Variants in PTCH1 observed in about 807,000 individuals in gnomAD.
PTCH1 encodes the protein patched 1.
In PTCH1, 14 loss-of-function variants were observed where a neutral mutation model predicts 144.6. The observed-to-expected ratio is 0.10, with a 90% CI of 0.06 to 0.15. The LOEUF (loss-of-function observed/expected upper bound fraction) is 0.15. Ranked by LOEUF, PTCH1 falls within the 10% of genes least tolerant of loss-of-function variation. The probability of loss-of-function intolerance (pLI) is 1.00; values close to 1 mark genes in which losing one functional copy is unlikely to be tolerated. For missense variants in PTCH1, 1,623 were observed against 1,948.3 expected, an observed-to-expected ratio of 0.83 and a Z score of 3.14; for synonymous variants, 833 against 793.6, an observed-to-expected ratio of 1.05 and a Z score of -0.83.
Position 95,485,187 on chromosome 9 carries a change from C to T in PTCH1, c.584+498G>A, listed in dbSNP as rs1056105843. On this transcript the variant is annotated intron_variant, in intron 3 of 23. Transcript: ENST00000331920. ...CATCACTGCACTCCAGCCTGGGCAA[C>T]AGAGTGAGGCTCTGTCTCAAAAAAA... Among the ~76,000 whole-genome samples, 4 of 152,198 alleles carry T rather than the reference C, an allele frequency of 2.6e-5. No individual in the cohort carries two copies. In the East Asian group the frequency reaches 7.7e-4, roughly 29 times the overall value.
At chr9:95,452,986 C>G (rs1373020972) in intron 20 of PTCH1, 1 of 238,690 alleles carries the variant, frequency 4.2e-6, no homozygotes, top group Non-Finnish European at 8.3e-6. Flanking sequence ...AAGATACTCC[C>G]CAAGACAGCT....
intron 2 of PTCH1, among the ~76,000 whole-genome samples, chr9:95,504,022 C>CAAAAAAAAAAAAAAAAAAAAAAAA (rs58747037): frequency 1.5e-4 from 1 of 6,720 alleles, no homozygotes; most frequent in Non-Finnish European, 2.3e-4. Flanking sequence ...GACTCCGTCT[C>CAAAAAAAAAAAAAAAAAAAAAAAA]AAAAAAAAAA....
rs1837820435 is a variant in PTCH1 at position 95,445,617 on chromosome 9, A to G, written c.*776T>C. On this transcript the variant is annotated 3_prime_UTR_variant, in exon 24 of 24. Transcript: ENST00000331920. Reference sequence around the variant, plus strand: ...GGGCTGATTTGAAAGGATTAGGTGGATGTTTAGGGCCAGCCCTCACCAGCA... The same window carrying G: ...GGGCTGATTTGAAAGGATTAGGTGGGTGTTTAGGGCCAGCCCTCACCAGCA... 1.3e-5 allele frequency: 2 copies of G among 152,280 alleles called. No individual in the cohort carries two copies. Among genetic ancestry groups the G allele is most frequent in the African/African-American group, 4.8e-5 (2 of 41,434 alleles). 9.4% of individuals were successfully genotyped at this position (152,280 alleles called of 1,614,324 possible). A position where few individuals can be genotyped will look rare whatever the true frequency, so the allele number is the denominator to read the frequency against.
intron 2 of PTCH1, among the ~76,000 whole-genome samples, chr9:95,501,842 AGG>A (rs1291854186): frequency 6.6e-6 from 1 of 152,242 alleles, no homozygotes; most frequent in Non-Finnish European, 1.5e-5. Flanking sequence ...CTTAACAAAA[AGG>A]AAATACCAAC....
At chr9:95,516,697 C>G in exon 1 of PTCH1, 1 of 1,613,252 alleles carries the variant, frequency 6.2e-7, no homozygotes, top group Non-Finnish European at 8.5e-7. Flanking sequence ...TCTTCTCCTC[C>G]TCCTCCGTCT....
rs2136650773 is a variant in PTCH1, at chr9:95,456,427, C to T, written c.3169-14G>A. 6.2e-7 allele frequency: 1 copy of T among 1,613,404 alleles called. No individual in the cohort carries two copies. ...CAGGACCATCACCTGGAGCAGGGCA[C>T]ACAGTGGTCAGTGGGCGGGCAGGTC... On this transcript the variant is annotated splice_polypyrimidine_tract_variant and intron_variant, in intron 18 of 23. Coordinates refer to ENST00000331920, the MANE Select transcript of PTCH1 (RefSeq NM_000264.5).
chr9:95,456,707 A>G (rs1213355251), intron 18 of PTCH1, among the ~76,000 whole-genome samples: 1 of 152,204 alleles, frequency 6.6e-6, no homozygotes, highest in East Asian at 1.9e-4. Context: ...CAACTCCACC[A>G]GCGCAATCCA....
Position 95,467,342 on chromosome 9 carries a change from C to G in PTCH1, c.2334G>C (p.Thr778=), listed in dbSNP as rs1369922802. Residue 778 remains threonine, a synonymous_variant, in exon 15 of 24, where the codon ACG becomes ACC. Coordinates refer to ENST00000331920, the MANE Select transcript of PTCH1 (RefSeq NM_000264.5). Reference sequence around the variant, plus strand: ...CTCTGGTTTCCCGAGGTACAATGTCCGTAAGGTCCAGCCCGTCTCTCACTC... The same window carrying G: ...CTCTGGTTTCCCGAGGTACAATGTCGGTAAGGTCCAGCCCGTCTCTCACTC... The part of the protein sequence containing the change: ...TTRVRDGLDL[T]DIVPRETREY... The G allele has an allele frequency of 6.2e-7, 1 of 1,614,136 alleles. No homozygotes were observed.
rs917049940 is a variant in PTCH1 at position 95,509,057 on chromosome 9, C to G, written c.-696G>C. ...CGCGGTGGCTGCTCGGTCCCGGACT[C>G]TGCTTTCTTGTGCTCCTCGGCAACC... On this transcript the variant is annotated 5_prime_UTR_variant, in exon 1 of 24. Transcript: ENST00000331920. Among the ~76,000 whole-genome samples the G allele has an allele frequency of 6.6e-6, 1 of 152,062 alleles. No homozygotes were observed. Among genetic ancestry groups the G allele is most frequent in the African/African-American group, 2.4e-5 (1 of 41,426 alleles).
chr9:95,489,892 C>A (rs1175484413), intron 2 of PTCH1, among the ~76,000 whole-genome samples: 1 of 151,476 alleles, frequency 6.6e-6, no homozygotes, highest in African/African-American at 2.4e-5. Context: ...GCTCTGCCTC[C>A]AGGGTTCACG....
chr9:95,473,613 C>G (rs1329274663), intron 12 of PTCH1, among the ~76,000 whole-genome samples: 1 of 148,962 alleles, frequency 6.7e-6, no homozygotes, highest in Non-Finnish European at 1.5e-5. Flanking sequence ...AGCACGATCT[C>G]AGCTCACCGC....
At chr9:95,480,333 A>T (rs2118407252) in intron 6 of PTCH1, 57 bp downstream of exon 6, 1 of 1,584,026 alleles carries the variant, frequency 6.3e-7, no homozygotes, top group East Asian at 2.2e-5. Flanking sequence ...CGATGAATGG[A>T]CACAAAAAAG....
chr9:95,509,868 C>T (rs957171621), upstream of PTCH1, among the ~76,000 whole-genome samples: 23 of 152,008 alleles, frequency 1.5e-4, no homozygotes, highest in Admixed American at 9.2e-4. Flanking sequence ...AAAGGGAAGA[C>T]TTAGGCTCTT....
At chr9:95,446,749 G>T in intron 23 of PTCH1, 162 bp downstream of exon 23, 1 of 878,880 alleles carries the variant, frequency 1.1e-6, no homozygotes. Flanking sequence ...GACAAAGCTT[G>T]GACACATCAG....
At position 95,457,148 on chromosome 9, in the gene PTCH1, T is replaced by A. The variant is rs576367434; in HGVS notation, c.3169-735A>T. ...TGGAAATAAAATCTGTGAGTTAGAT[T>A]TGGAGTTTCTTGGTCCAAAGCGGAG... On this transcript the variant is annotated intron_variant, in intron 18 of 23. Transcript: ENST00000331920. 4.6e-5 allele frequency among the ~76,000 whole-genome samples: 7 copies of A among 152,124 alleles called. No homozygotes were observed. In the East Asian group the frequency reaches 5.8e-4, roughly 13 times the overall value.
intron 15 of PTCH1, among the ~76,000 whole-genome samples, chr9:95,462,809 C>T (rs1250382913): frequency 2.0e-5 from 3 of 152,218 alleles, no homozygotes; most frequent in Non-Finnish European, 2.9e-5. Context: ...GGGGGATGGG[C>T]GAGCCCGCCA....
At position 95,456,375 on chromosome 9, in the gene PTCH1, G is replaced by A. The variant is rs776239984; in HGVS notation, c.3207C>T (p.Gly1069=). 1 of 1,614,078 alleles carries A rather than the reference G, an allele frequency of 6.2e-7. No individual in the cohort carries two copies. Among genetic ancestry groups the A allele is most frequent in the Non-Finnish European group, 8.5e-7 (1 of 1,180,030 alleles). Residue 1069 remains glycine, a synonymous_variant, in exon 19 of 24, where the codon GGC becomes GGT. Transcript: ENST00000331920. ...VLALMTVELF[G]MMGLIGIKLS... ...GCTTGATTCCGATGAGGCCCATCAT[G>A]CCGAACAGCTCGACCGTCATCAGCG...
At chr9:95,482,312 A>G in intron 3 of PTCH1, 109 bp from the exon 4 acceptor site, 8 of 1,110,560 alleles carry the variant, frequency 7.2e-6, no homozygotes, top group Admixed American at 2.1e-5. Context: ...ATCACTTTTA[A>G]GCATCTGTCA....
At chr9:95,483,360 A>G (rs1841708265) in intron 3 of PTCH1, 1 of 148,328 alleles carries the variant, frequency 6.7e-6, no homozygotes, top group African/African-American at 2.5e-5. Flanking sequence ...CAGTCTAACG[A>G]AAAAAAAAAG....
Sources: gnomAD v4.1 joint callset for allele counts (sites outside exome capture counted in the v4.1 genomes callset) on GRCh38, gnomAD v4.1.1 for gene constraint, MANE v1.5 for transcripts, NCBI Gene and HGNC (gene_info 2026-07-23, HGNC 2026-07-21) for gene names.